Variants in MAPK4 observed in about 807,000 individuals in gnomAD.
The protein encoded by MAPK4 is Erk3-related.
MAPK4 carries 22 observed loss-of-function variants against 47.7 expected under a neutral mutation model. The observed-to-expected ratio is 0.46, with a 90% CI of 0.33 to 0.66. The LOEUF (loss-of-function observed/expected upper bound fraction) is 0.66. MAPK4 is among the 30% of genes least tolerant of loss of function. MAPK4 has a pLI of 0.02. For synonymous variants in MAPK4, 390 were observed against 365.7 expected (o/e 1.07, Z -0.76); for missense variants, 736 against 831.7 (o/e 0.88, Z 1.42).
At chr18:50,631,722 T>C (rs1038392238) in intron 1 of MAPK4, among the ~76,000 whole-genome samples, 4 of 152,286 alleles carry the variant, frequency 2.6e-5, no homozygotes, top group African/African-American at 9.6e-5. Context: ...CCCCAGATGA[T>C]GGTCAGTCCT....
In MAPK4 at chr18:50,634,931, G is replaced by A. The variant is rs189210262; in HGVS notation, c.-870-28158G>A. 3.2e-4 allele frequency among the ~76,000 whole-genome samples: 49 copies of A among 152,198 alleles called. No individual in the cohort carries two copies. In the Middle Eastern group the frequency reaches 0.024, roughly 74 times the overall value. On this transcript the variant is annotated intron_variant, in intron 1 of 5. Coordinates refer to ENST00000400384, the MANE Select transcript of MAPK4 (RefSeq NM_002747.4). ...ATCCTGACTGCACCTTAGAATCAGC[G>A]GGGTTGTTCTTAGACATCCCTATGC...
chr18:50,645,123 G>A (rs2042976647), intron 1 of MAPK4, among the ~76,000 whole-genome samples: 1 of 152,206 alleles, frequency 6.6e-6, no homozygotes, highest in Non-Finnish European at 1.5e-5. Flanking sequence ...GGGATATGGC[G>A]AAAGACACGC....
chr18:50,597,180 C>T (rs2042489708), intron 1 of MAPK4, among the ~76,000 whole-genome samples: 1 of 152,174 alleles, frequency 6.6e-6, no homozygotes, highest in Non-Finnish European at 1.5e-5. Context: ...AGAAAAGAAG[C>T]CTTCTGGACC....
chr18:50,689,131 C>T (rs1181845223), intron 2 of MAPK4, among the ~76,000 whole-genome samples: 1 of 147,454 alleles, frequency 6.8e-6, no homozygotes, highest in Non-Finnish European at 1.5e-5. Flanking sequence ...TGTGGTGGTG[C>T]AAGCATGTAA....
At chr18:50,562,419 A>C (rs1216326428) in intron 1 of MAPK4, among the ~76,000 whole-genome samples, 3 of 146 alleles carry the variant, frequency 0.021, no homozygotes, top group African/African-American at 0.017. Flanking sequence ...TTTGGCCAAT[A>C]AAAAAAAAAA....
intron 1 of MAPK4, among the ~76,000 whole-genome samples, chr18:50,655,410 G>A (rs2043098190): frequency 6.6e-6 from 1 of 151,896 alleles, no homozygotes; most frequent in African/African-American, 2.4e-5. Context: ...GAGAGGAACA[G>A]GCATAGGGAC....
At chr18:50,705,062 GAATAGCATGTTCAATAGA>G in intron 2 of MAPK4, 1 of 318,376 alleles carries the variant, frequency 3.1e-6, no homozygotes, top group South Asian at 1.6e-4. Context: ...ACGGTAGCAT[GAATAGCATGTTCAATAGA>G]AAACCGGACC....
intron 2 of MAPK4, among the ~76,000 whole-genome samples, chr18:50,673,737 T>A (rs888915323): frequency 1.4e-4 from 21 of 152,144 alleles, no homozygotes; most frequent in African/African-American, 4.8e-4. Context: ...GCGCCTGTAG[T>A]CCCAGCTACT....
chr18:50,696,607 C>A (rs1343894770), intron 2 of MAPK4, among the ~76,000 whole-genome samples: 1 of 152,224 alleles, frequency 6.6e-6, no homozygotes, highest in African/African-American at 2.4e-5. Flanking sequence ...CAGAGAACCC[C>A]CTCATCTTCC....
chr18:50,632,616 ATT>A (rs10531891), intron 1 of MAPK4, among the ~76,000 whole-genome samples: 36,319 of 121,510 alleles, frequency 0.3, 3,438 homozygotes, highest in African/African-American at 0.34. Context: ...GTCTGGTTTA[ATT>A]TTTTTTTTTT....
intron 1 of MAPK4, among the ~76,000 whole-genome samples, chr18:50,594,441 G>A (rs755141991): frequency 5.3e-5 from 8 of 152,148 alleles, no homozygotes; most frequent in Non-Finnish European, 1.0e-4. Context: ...AGAGGGTCTA[G>A]AAACACACCC....
intron 1 of MAPK4, among the ~76,000 whole-genome samples, chr18:50,620,436 G>C (rs1365518363): frequency 6.6e-6 from 1 of 152,174 alleles, no homozygotes; most frequent in Non-Finnish European, 1.5e-5. Flanking sequence ...TTCTGACGCA[G>C]AATCTGCCTG....
At chr18:50,653,672 T>C (rs2043076316) in intron 1 of MAPK4, among the ~76,000 whole-genome samples, 1 of 152,252 alleles carries the variant, frequency 6.6e-6, no homozygotes, top group South Asian at 2.1e-4. Flanking sequence ...GGGCACCTAC[T>C]GTGCACCACG....
chr18:50,566,618 C>T (rs368503057), intron 1 of MAPK4, among the ~76,000 whole-genome samples: 12 of 152,180 alleles, frequency 7.9e-5, no homozygotes, highest in African/African-American at 2.9e-4. Context: ...CTCATTAATT[C>T]GAACTGATTA....
intron 2 of MAPK4, among the ~76,000 whole-genome samples, chr18:50,700,666 G>T (rs1295022444): frequency 6.6e-6 from 1 of 152,126 alleles, no homozygotes; most frequent in East Asian, 1.9e-4. Flanking sequence ...CCTCAGAGCC[G>T]CACCTCCCTC....
At chr18:50,726,290 G>A (rs192928403) in intron 5 of MAPK4, 115 bp downstream of exon 5, 17 of 947,492 alleles carry the variant, frequency 1.8e-5, no homozygotes, top group African/African-American at 4.8e-5. Flanking sequence ...CTCATTGGAC[G>A]ACTTCTCCAG....
intron 1 of MAPK4, among the ~76,000 whole-genome samples, chr18:50,609,006 A>T (rs2042607391): frequency 1.3e-5 from 2 of 152,110 alleles, no homozygotes; most frequent in African/African-American, 4.8e-5. Flanking sequence ...CTGAGTGGAC[A>T]CAGCACATGT....
At chr18:50,618,329 T>C (rs773241707) in intron 1 of MAPK4, among the ~76,000 whole-genome samples, 1 of 152,226 alleles carries the variant, frequency 6.6e-6, no homozygotes, top group Non-Finnish European at 1.5e-5. Context: ...TACTACGCCC[T>C]GTACCTGTTT....
chr18:50,679,222 G>A (rs1010009230), intron 2 of MAPK4, among the ~76,000 whole-genome samples: 4 of 152,228 alleles, frequency 2.6e-5, no homozygotes, highest in Non-Finnish European at 4.4e-5. Context: ...GCTGAGCTGG[G>A]TGGAGCCCAA....
Sources: gnomAD v4.1 joint callset for allele counts (sites outside exome capture counted in the v4.1 genomes callset) on GRCh38, gnomAD v4.1.1 for gene constraint, MANE v1.5 for transcripts, NCBI Gene and HGNC (gene_info 2026-07-23, HGNC 2026-07-21) for gene names.